ACTR1A: variants seen among roughly 807,000 people sequenced by gnomAD.
The protein encoded by ACTR1A is alpha-centractin.
A neutral mutation model predicts 50.7 loss-of-function variants in ACTR1A; 10 were observed. The ratio of observed to expected loss-of-function variants is 0.20; its 90% CI spans 0.12 to 0.33. The LOEUF (loss-of-function observed/expected upper bound fraction) is 0.33. ACTR1A is among the 10% of genes least tolerant of loss of function. The pLI, the probability that ACTR1A is intolerant of heterozygous loss-of-function variation, is 1.00. For missense variants in ACTR1A, 253 were observed against 491.7 expected (o/e 0.51, Z 4.59); for synonymous variants, 177 against 184.2 (o/e 0.96, Z 0.32).
intron 4 of ACTR1A, among the ~76,000 whole-genome samples, chr10:102,486,958 T>G (rs1039148233): frequency 4.7e-4 from 72 of 152,042 alleles, no homozygotes; most frequent in African/African-American, 1.3e-3. Context: ...GGCTATTTTT[T>G]TTTTTTTCAT....
At chr10:102,489,740 C>A (rs1376462100) in intron 2 of ACTR1A, among the ~76,000 whole-genome samples, 1 of 152,122 alleles carries the variant, frequency 6.6e-6, no homozygotes, top group Non-Finnish European at 1.5e-5. Context: ...CTTGAACCTG[C>A]AAGGCAGGAG....
rs1162814257 is a variant in ACTR1A at position 102,484,177 on chromosome 10, C to T, written c.640G>A (p.Val214Ile). The T allele has an allele frequency of 1.2e-6, 2 of 1,614,164 alleles. No individual in the cohort carries two copies. The highest frequency in any genetic ancestry group is 1.1e-5 in the South Asian group (1 of 91,082). The change falls in exon 6 of 11, where the codon GTC (valine) becomes ATC (isoleucine). Residue 214 changes from valine to isoleucine, a missense_variant. This residue lies in a region of ACTR1A where 116 missense variants were observed against 155.9 expected (regional missense o/e 0.74). Transcript: ENST00000369905. The stretch of plus-strand genomic sequence containing the variant: ...GCACTTACTTCTTTTATGGCCTTGA[C>T]AATCTCAAACTCAGAGGATGAGTGG... ...DFHSSSEFEI[V>I]KAIKERACYL...
chr10:102,497,172 A>AT (rs2062226341), intron 1 of ACTR1A, among the ~76,000 whole-genome samples: 1 of 99,292 alleles, frequency 1.0e-5, no homozygotes. Flanking sequence ...CCATCTCAGG[A>AT]AAAAAAAAAA....
intron 4 of ACTR1A, among the ~76,000 whole-genome samples, chr10:102,487,736 A>G (rs1384678520): frequency 6.9e-6 from 1 of 145,588 alleles, no homozygotes; most frequent in Non-Finnish European, 1.5e-5. Flanking sequence ...GGTTCACGCC[A>G]TTCTCCTGCC....
intron 9 of ACTR1A, 135 bp from the exon 10 acceptor site, chr10:102,481,307 T>G (rs2062140123): frequency 1.1e-6 from 1 of 942,114 alleles, no homozygotes; most frequent in Non-Finnish European, 1.5e-6. Context: ...TGGAGGGCAC[T>G]GTGGCCAGCC....
At position 102,482,848 on chromosome 10, in the gene ACTR1A, C is replaced by T. The variant is rs2062150511; in HGVS notation, c.750+163G>A. Reference sequence around the variant, plus strand: ...GTTTACGACTTTGTGTTGGGCCTTACTGAAAGCCATCCTGGGCCACGTGCA... The same window carrying T: ...GTTTACGACTTTGTGTTGGGCCTTATTGAAAGCCATCCTGGGCCACGTGCA... On this transcript the variant is annotated intron_variant, in intron 7 of 10. Coordinates refer to ENST00000369905, the MANE Select transcript of ACTR1A (RefSeq NM_005736.4). The surrounding 1 kb of genome is among the most constrained non-coding windows in gnomAD (Gnocchi z 5.6). The T allele has an allele frequency of 1.5e-6, 1 of 648,290 alleles. No individual in the cohort carries two copies. The highest frequency in any genetic ancestry group is 1.9e-5 in the South Asian group (1 of 53,488). 40.2% of individuals were successfully genotyped at this position (648,290 alleles called of 1,614,324 possible).
Position 102,497,297 on chromosome 10 carries a change from C to G in ACTR1A, c.48+5303G>C, listed in dbSNP as rs529547178. The stretch of plus-strand genomic sequence containing the variant: ...ACGTATGGATGTTCCTTACACTATT[C>G]CTTCTCCTTTGTATGTTTGAAATTG... On this transcript the variant is annotated intron_variant, in intron 1 of 10. Transcript: ENST00000369905. 2.6e-5 allele frequency among the ~76,000 whole-genome samples: 4 copies of G among 152,128 alleles called. No homozygotes were observed. The South Asian group carries it at 8.3e-4, about 32-fold the overall frequency.
In ACTR1A at chr10:102,488,213, G is replaced by A. The variant is rs773530155; in HGVS notation, c.252C>T (p.Asn84=). ...CATATTGCCAAATGCGTTCCATGTC[G>A]TTCCAATCCTTGACGATGCCATGCT... is the stretch of plus-strand genomic sequence containing the variant. ...PMEHGIVKDW[N]DMERIWQYVY... is the part of the protein sequence containing the mutation. Residue 84 remains asparagine, a synonymous_variant, in exon 4 of 11, where the codon AAC becomes AAT. Transcript: ENST00000369905. This position sits in a 1 kb window ranked among gnomAD's most constrained non-coding sequence, Gnocchi z 4.4. 3.2e-5 allele frequency: 51 copies of A among 1,613,894 alleles called. No homozygotes were observed. The highest frequency in any genetic ancestry group is 3.6e-5 in the Non-Finnish European group (43 of 1,179,958).
intron 9 of ACTR1A, 96 bp from the exon 10 acceptor site, chr10:102,481,268 T>G (rs2062139735): frequency 7.4e-7 from 1 of 1,354,332 alleles, no homozygotes; most frequent in African/African-American, 1.5e-5. Context: ...GGGGATACAT[T>G]TTACACAAGC....
intron 1 of ACTR1A, among the ~76,000 whole-genome samples, 199 bp downstream of exon 1, chr10:102,502,401 T>C (rs1168209682): frequency 6.6e-6 from 1 of 152,216 alleles, no homozygotes; most frequent in East Asian, 1.9e-4. Flanking sequence ...CACTCCAGAG[T>C]TCTCCATCCC....
Position 102,480,578 on chromosome 10 carries a change from C to T in ACTR1A, c.*285G>A. On this transcript the variant is annotated 3_prime_UTR_variant, in exon 11 of 11. Coordinates refer to ENST00000369905, the MANE Select transcript of ACTR1A (RefSeq NM_005736.4). ...TGGTAGTAAACGGAGTCCCCCACAG[C>T]CAGCCAGAGGCCACCTGAGGAGGGA... 2.2e-6 allele frequency: 1 copy of T among 459,114 alleles called. No homozygotes were observed. Among genetic ancestry groups the T allele is most frequent in the Non-Finnish European group, 3.9e-6 (1 of 253,244 alleles). 28.4% of individuals were successfully genotyped at this position (459,114 alleles called of 1,614,324 possible).
At chr10:102,494,694 G>A (rs1358940400) in intron 1 of ACTR1A, among the ~76,000 whole-genome samples, 6 of 152,116 alleles carry the variant, frequency 3.9e-5, no homozygotes, top group African/African-American at 9.7e-5. Flanking sequence ...GGTGGCCCAC[G>A]CCTGTCACCC....
At chr10:102,493,393 G>A (rs1253180998) in intron 1 of ACTR1A, among the ~76,000 whole-genome samples, 1 of 152,228 alleles carries the variant, frequency 6.6e-6, no homozygotes, top group East Asian at 1.9e-4. Flanking sequence ...GAGAGGATGA[G>A]ATCTGTCCTT....
chr10:102,497,037 G>C (rs1240733122), intron 1 of ACTR1A, among the ~76,000 whole-genome samples: 2 of 152,014 alleles, frequency 1.3e-5, no homozygotes, highest in Non-Finnish European at 1.5e-5. Flanking sequence ...AAATTAGCTG[G>C]GCATGGTGGT....
intron 2 of ACTR1A, among the ~76,000 whole-genome samples, chr10:102,490,227 C>T (rs549529340): frequency 7.5e-4 from 96 of 127,886 alleles, no homozygotes; most frequent in African/African-American, 2.7e-3. Flanking sequence ...AGCGAGACTC[C>T]GTCTCAAAAA....
chr10:102,490,753 G>GATT, intron 1 of ACTR1A, 140 bp from the exon 2 acceptor site: 1 of 609,302 alleles, frequency 1.6e-6, no homozygotes. Flanking sequence ...AACACTTTGG[G>GATT]AGGCAGAGGC....
chr10:102,501,403 T>A (rs2135592262), intron 1 of ACTR1A, among the ~76,000 whole-genome samples: 1 of 152,310 alleles, frequency 6.6e-6, no homozygotes, highest in South Asian at 2.1e-4. Context: ...ACAAAGGGAA[T>A]CTGACAGAGT....
In ACTR1A at chr10:102,488,353, A is replaced by G; in HGVS notation, c.190-78T>C. ...TGTTCTCCCAAGACTAAGCAGTGCAAGCTGAATCCCTTGCAAAGAAGCCTC... is the reference window on the plus strand; with the variant it reads ...TGTTCTCCCAAGACTAAGCAGTGCAGGCTGAATCCCTTGCAAAGAAGCCTC... On this transcript the variant is annotated intron_variant, in intron 3 of 10. Coordinates refer to ENST00000369905, the MANE Select transcript of ACTR1A (RefSeq NM_005736.4). This position sits in a 1 kb window ranked among gnomAD's most constrained non-coding sequence, Gnocchi z 4.4. The G allele has an allele frequency of 6.4e-7, 1 of 1,566,842 alleles. No homozygotes were observed. The highest frequency in any genetic ancestry group is 8.7e-7 in the Non-Finnish European group (1 of 1,143,532).
intron 2 of ACTR1A, among the ~76,000 whole-genome samples, chr10:102,489,904 C>T (rs765328802): frequency 8.6e-5 from 13 of 152,032 alleles, no homozygotes; most frequent in Non-Finnish European, 1.6e-4. Context: ...CCTCTGTGCT[C>T]TTCTCCTGCC....
Sources: allele counts gnomAD v4.1 joint callset (sites outside exome capture counted in the v4.1 genomes callset), GRCh38; gene constraint gnomAD v4.1.1; regional missense constraint gnomAD v4.1.1; non-coding constraint Gnocchi (gnomAD v3.1); transcripts MANE v1.5; gene names NCBI Gene and HGNC (gene_info 2026-07-23, HGNC 2026-07-21).